Variants in NHEJ1 observed in about 807,000 individuals in gnomAD.
NHEJ1 encodes non-homologous end-joining factor 1.
In NHEJ1, 22 loss-of-function variants were observed where a neutral mutation model predicts 39.4. The ratio of observed to expected loss-of-function variants is 0.56; its 90% CI spans 0.40 to 0.80. NHEJ1 has a LOEUF of 0.80. NHEJ1 is among the 30% of genes least tolerant of loss of function. The pLI, the probability that NHEJ1 is intolerant of heterozygous loss-of-function variation, is 0.00. For synonymous variants in NHEJ1, 154 were observed against 135.6 expected (o/e 1.14, Z -0.94); for missense variants, 329 against 357.1 (o/e 0.92, Z 0.63).
intron 5 of NHEJ1, among the ~76,000 whole-genome samples, chr2:219,092,848 T>A (rs1949173613): frequency 6.6e-6 from 1 of 152,080 alleles, no homozygotes; most frequent in Admixed American, 6.5e-5. Flanking sequence ...AGATAAGAGA[T>A]CTTGAGATCC....
At position 219,072,080 on chromosome 2, in the gene NHEJ1, A is replaced by G. The variant is rs914777530; in HGVS notation, c.*4301T>C. On this transcript the variant is annotated 3_prime_UTR_variant, in exon 8 of 8. Transcript: ENST00000356853. ...GGACTTCTAGATGTTCAAATAGAGA[A>G]GGATTCCCTATGGTCCCTCTTCCTC... 3.3e-5 allele frequency among the ~76,000 whole-genome samples: 5 copies of G among 150,962 alleles called. No homozygotes were observed. Among genetic ancestry groups the G allele is most frequent in the Non-Finnish European group, 7.4e-5 (5 of 67,164 alleles).
intron 3 of NHEJ1, among the ~76,000 whole-genome samples, chr2:219,153,718 GA>G (rs1949822252): frequency 6.8e-6 from 1 of 146,832 alleles, no homozygotes; most frequent in Non-Finnish European, 1.5e-5. Flanking sequence ...GAGAGAGAGA[GA>G]GAGCAAGCAA....
intron 5 of NHEJ1, among the ~76,000 whole-genome samples, chr2:219,137,332 A>G (rs1252062860): frequency 6.6e-6 from 1 of 152,018 alleles, no homozygotes; most frequent in Non-Finnish European, 1.5e-5. Flanking sequence ...TGGCATCACT[A>G]TTCTTCAAAT....
intron 5 of NHEJ1, among the ~76,000 whole-genome samples, chr2:219,124,368 A>G (rs2106347054): frequency 6.6e-6 from 1 of 152,294 alleles, no homozygotes; most frequent in African/African-American, 2.4e-5. Context: ...AGTTCTCACC[A>G]TCCAGCATAT....
chr2:219,136,985 TTAA>T (rs1416160035), intron 5 of NHEJ1, among the ~76,000 whole-genome samples: 1 of 151,838 alleles, frequency 6.6e-6, no homozygotes, highest in Admixed American at 6.6e-5. Flanking sequence ...TTTAAAATTT[TTAA>T]TAAATTTCCT....
chr2:219,089,466 A>C (rs1949141613), intron 5 of NHEJ1, among the ~76,000 whole-genome samples: 1 of 152,242 alleles, frequency 6.6e-6, no homozygotes, highest in Non-Finnish European at 1.5e-5. Context: ...CATAATGCTA[A>C]GTGAAAGAAG....
intron 5 of NHEJ1, among the ~76,000 whole-genome samples, chr2:219,136,115 A>G (rs568378630): frequency 2.6e-5 from 4 of 152,232 alleles, no homozygotes; most frequent in African/African-American, 9.6e-5. Flanking sequence ...TGATTTTGTA[A>G]TATCTGGTTT....
intron 2 of NHEJ1, 54 bp downstream of exon 2, chr2:219,158,132 C>A: frequency 6.3e-7 from 1 of 1,597,884 alleles, no homozygotes; most frequent in East Asian, 2.2e-5. Context: ...TACAGGCCAG[C>A]AAGCTGGTTG....
At chr2:219,091,455 C>T (rs1949159230) in intron 5 of NHEJ1, among the ~76,000 whole-genome samples, 1 of 151,954 alleles carries the variant, frequency 6.6e-6, no homozygotes, top group African/African-American at 2.4e-5. Flanking sequence ...TGGGGTAGGG[C>T]ATGGGGATAG....
intron 5 of NHEJ1, among the ~76,000 whole-genome samples, chr2:219,137,654 C>T (rs1432207972): frequency 1.4e-5 from 2 of 147,762 alleles, no homozygotes; most frequent in Non-Finnish European, 3.0e-5. Flanking sequence ...ACATTTAAGG[C>T]CCCCACAATT....
chr2:219,134,453 C>G (rs1949606277), intron 5 of NHEJ1, among the ~76,000 whole-genome samples: 1 of 152,216 alleles, frequency 6.6e-6, no homozygotes. Context: ...GTTACCCTTT[C>G]TTGGCTAATC....
At chr2:219,141,087 A>G (rs1160996772) in intron 5 of NHEJ1, among the ~76,000 whole-genome samples, 1 of 152,218 alleles carries the variant, frequency 6.6e-6, no homozygotes, top group Non-Finnish European at 1.5e-5. Flanking sequence ...AAGCCAAAAA[A>G]GGGACAGAAA....
chr2:219,118,805 A>T (rs748010711), intron 5 of NHEJ1, among the ~76,000 whole-genome samples: 62 of 152,212 alleles, frequency 4.1e-4, no homozygotes, highest in Non-Finnish European at 6.8e-4. Flanking sequence ...CGGCGGGCTT[A>T]TGAAGGGAGT....
chr2:219,071,560 G>A lies in NHEJ1; in HGVS notation c.*4821C>T, dbSNP rs946749192. 6.6e-6 allele frequency among the ~76,000 whole-genome samples: 1 copy of A among 152,136 alleles called. No homozygotes were observed. The highest frequency in any genetic ancestry group is 2.4e-5 in the African/African-American group (1 of 41,422). The stretch of plus-strand genomic sequence containing the variant: ...AGTAAATACAACACATTTCAGAAGG[G>A]ACTCCCAGCAGCCCCTGAACCCTAC... On this transcript the variant is annotated 3_prime_UTR_variant, in exon 8 of 8. Transcript: ENST00000356853.
chr2:219,110,406 C>T (rs1949355072), intron 5 of NHEJ1, among the ~76,000 whole-genome samples: 1 of 151,734 alleles, frequency 6.6e-6, no homozygotes, highest in African/African-American at 2.4e-5. Flanking sequence ...CCTGTAGTCC[C>T]AACTACTCGG....
At chr2:219,105,274 T>C (rs1273070550) in intron 5 of NHEJ1, among the ~76,000 whole-genome samples, 1 of 152,202 alleles carries the variant, frequency 6.6e-6, no homozygotes, top group Admixed American at 6.5e-5. Context: ...TGGTCTGTTA[T>C]TGACTTGTCA....
intron 5 of NHEJ1, among the ~76,000 whole-genome samples, chr2:219,135,043 T>TAAAAAAAAAAAAAAAAAAA: frequency 9.1e-6 from 1 of 110,396 alleles, no homozygotes; most frequent in Non-Finnish European, 1.8e-5. Context: ...CCGTCTCAAT[T>TAAAAAAAAAAAAAAAAAAA]AAAAAAAAAA....
chr2:219,095,216 G>A (rs1195665948), intron 5 of NHEJ1: 3 of 449,394 alleles, frequency 6.7e-6, no homozygotes, highest in African/African-American at 6.1e-5. Flanking sequence ...TACCGACGTG[G>A]CTTTTGTAAG....
chr2:219,077,453 GC>G, intron 6 of NHEJ1, 89 bp from the exon 7 acceptor site: 1 of 1,028,074 alleles, frequency 9.7e-7, no homozygotes, highest in East Asian at 2.4e-5. Context: ...TCTGATAAAG[GC>G]CAGGGTTTGG....
Sources: allele counts gnomAD v4.1 joint callset (sites outside exome capture counted in the v4.1 genomes callset), GRCh38; gene constraint gnomAD v4.1.1; transcripts MANE v1.5; gene names NCBI Gene and HGNC (gene_info 2026-07-23, HGNC 2026-07-21).